CNTNAP2: variants seen among roughly 807,000 people sequenced by gnomAD.
CNTNAP2 encodes contactin-associated protein-like 2.
In CNTNAP2, 98 loss-of-function variants were observed where a neutral mutation model predicts 155.2. The observed-to-expected ratio is 0.63, with a 90% CI of 0.54 to 0.75. CNTNAP2 has a LOEUF of 0.75. Among genes scored for constraint, CNTNAP2 ranks in the 30% least tolerant of loss-of-function variants. The pLI is 0.00. For synonymous variants in CNTNAP2, 651 were observed against 631.2 expected (o/e 1.03, Z -0.47); for missense variants, 1,727 against 1,688.1 (o/e 1.02, Z -0.40).
intron 9 of CNTNAP2, among the ~76,000 whole-genome samples, chr7:147,363,852 G>A (rs1227815476): frequency 6.6e-6 from 1 of 152,166 alleles, no homozygotes; most frequent in Admixed American, 6.5e-5. Flanking sequence ...CAGTTTTAGA[G>A]TTGGTTTCAC....
intron 6 of CNTNAP2, among the ~76,000 whole-genome samples, chr7:147,127,977 C>G (rs1043110402): frequency 6.6e-6 from 1 of 151,974 alleles, no homozygotes; most frequent in Non-Finnish European, 1.5e-5. Context: ...GTATATTGAT[C>G]AAAAATGTAT....
chr7:147,992,394 G>A (rs1340473030), intron 15 of CNTNAP2, among the ~76,000 whole-genome samples: 1 of 152,090 alleles, frequency 6.6e-6, no homozygotes, highest in South Asian at 2.1e-4. Context: ...TTACAGGTGT[G>A]AGCCACCATG....
chr7:146,704,603 G>T (rs887634352), intron 1 of CNTNAP2, among the ~76,000 whole-genome samples: 2 of 152,030 alleles, frequency 1.3e-5, no homozygotes, highest in African/African-American at 4.8e-5. Context: ...AATGTAATCT[G>T]GGCCCTATGT....
intron 1 of CNTNAP2, among the ~76,000 whole-genome samples, chr7:146,350,240 C>G (rs1794892042): frequency 6.6e-6 from 1 of 152,146 alleles, no homozygotes; most frequent in South Asian, 2.1e-4. Context: ...CACTGATACC[C>G]TTTCTTCCAG....
At chr7:146,550,609 T>G (rs1178505118) in intron 1 of CNTNAP2, among the ~76,000 whole-genome samples, 3 of 151,896 alleles carry the variant, frequency 2.0e-5, no homozygotes, top group Non-Finnish European at 4.4e-5. Context: ...TTTCCCCCTG[T>G]GTATTATGAC....
At chr7:148,398,935 C>G (rs1301951916) in intron 22 of CNTNAP2, among the ~76,000 whole-genome samples, 1 of 152,216 alleles carries the variant, frequency 6.6e-6, no homozygotes, top group African/African-American at 2.4e-5. Context: ...TTGCTTTCCT[C>G]TTTTAACTAT....
At chr7:148,163,404 C>T (rs909264527) in intron 17 of CNTNAP2, among the ~76,000 whole-genome samples, 2 of 152,168 alleles carry the variant, frequency 1.3e-5, no homozygotes, top group African/African-American at 4.8e-5. Context: ...CATGCTTATC[C>T]TGCCACCATA....
chr7:147,468,425 A>C lies in CNTNAP2; in HGVS notation c.1671-17510A>C, dbSNP rs547708819. On this transcript the variant is annotated intron_variant, in intron 10 of 23. Coordinates refer to ENST00000361727, the MANE Select transcript of CNTNAP2 (RefSeq NM_014141.6). ...CTTTGCTTAACTATTGGGTTTCTCC[A>C]AGTTTGGTCTTGCTTTTCTAAGTGT... Among the ~76,000 whole-genome samples the C allele has an allele frequency of 2.0e-5, 3 of 152,322 alleles. No homozygotes were observed. In the East Asian group the frequency reaches 5.8e-4, roughly 29 times the overall value.
intron 21 of CNTNAP2, among the ~76,000 whole-genome samples, chr7:148,296,988 T>C (rs1797297028): frequency 6.6e-6 from 1 of 152,194 alleles, no homozygotes; most frequent in South Asian, 2.1e-4. Flanking sequence ...TAGAGACCTT[T>C]TGTTTTAGAG....
At chr7:146,155,210 T>C (rs1039983390) in intron 1 of CNTNAP2, among the ~76,000 whole-genome samples, 1 of 152,210 alleles carries the variant, frequency 6.6e-6, no homozygotes, top group African/African-American at 2.4e-5. Context: ...GACTCTTCAA[T>C]AGGTTACACT....
At chr7:147,297,687 G>C (rs1348355491) in intron 8 of CNTNAP2, among the ~76,000 whole-genome samples, 1 of 152,182 alleles carries the variant, frequency 6.6e-6, no homozygotes, top group Non-Finnish European at 1.5e-5. Context: ...ACAGAAAGCT[G>C]TTATAGGGAA....
chr7:146,712,102 T>C (rs37049), intron 1 of CNTNAP2, among the ~76,000 whole-genome samples: 4,963 of 114,854 alleles, frequency 0.043, 280 homozygotes, highest in Non-Finnish European at 0.062. Flanking sequence ...ATAGTATACA[T>C]ATCTTATGTA....
chr7:147,861,361 G>C (rs1799129976), intron 13 of CNTNAP2, among the ~76,000 whole-genome samples: 1 of 136,996 alleles, frequency 7.3e-6, no homozygotes, highest in Non-Finnish European at 1.6e-5. Flanking sequence ...CCTAGCCCAT[G>C]CTTATAAATG....
At chr7:146,283,100 C>T (rs746666800) in intron 1 of CNTNAP2, among the ~76,000 whole-genome samples, 2 of 152,032 alleles carry the variant, frequency 1.3e-5, no homozygotes, top group East Asian at 1.9e-4. Flanking sequence ...ATAGGAAACT[C>T]GAGTTTTGTG....
intron 21 of CNTNAP2, among the ~76,000 whole-genome samples, chr7:148,370,766 A>G (rs1358939401): frequency 6.6e-6 from 1 of 151,994 alleles, no homozygotes; most frequent in East Asian, 1.9e-4. Context: ...ACTTGATCTC[A>G]TATTTGCTTT....
At chr7:146,479,709 A>C (rs1436969019) in intron 1 of CNTNAP2, among the ~76,000 whole-genome samples, 3 of 152,052 alleles carry the variant, frequency 2.0e-5, no homozygotes, top group African/African-American at 7.2e-5. Context: ...AACCCAAAAA[A>C]CTTGTTTCAA....
At chr7:147,849,562 A>T (rs1337247058) in intron 13 of CNTNAP2, among the ~76,000 whole-genome samples, 2 of 152,220 alleles carry the variant, frequency 1.3e-5, no homozygotes, top group African/African-American at 4.8e-5. Context: ...TTTAAGATGA[A>T]TCACGTCTTT....
chr7:146,538,932 C>A (rs1277977352), intron 1 of CNTNAP2, among the ~76,000 whole-genome samples: 2 of 151,970 alleles, frequency 1.3e-5, no homozygotes, highest in Non-Finnish European at 2.9e-5. Flanking sequence ...GGTACTAGGT[C>A]ATTTTCATTT....
intron 1 of CNTNAP2, among the ~76,000 whole-genome samples, chr7:146,395,808 GAT>G (rs1563068340): frequency 2.2e-5 from 3 of 135,998 alleles, no homozygotes; most frequent in Non-Finnish European, 4.5e-5. Context: ...TAGATAGATA[GAT>G]AGATAGATAG....
Sources: allele counts gnomAD v4.1 joint callset (sites outside exome capture counted in the v4.1 genomes callset), GRCh38; gene constraint gnomAD v4.1.1; transcripts MANE v1.5; gene names NCBI Gene and HGNC (gene_info 2026-07-23, HGNC 2026-07-21).